The following WWOX variants were observed in gnomAD, a reference collection of about 807,000 sequenced individuals.
The protein encoded by WWOX is WW domain-containing oxidoreductase.
WWOX carries 69 observed loss-of-function variants against 46.2 expected under a neutral mutation model. That is an observed-to-expected ratio of 1.49 (90% confidence interval 1.23 to 1.82). The LOEUF is 1.82. Among genes scored for constraint, WWOX ranks in the 40% most tolerant of loss-of-function variants. The pLI, the probability that WWOX is intolerant of heterozygous loss-of-function variation, is 0.00. For synonymous variants in WWOX, 359 were observed against 202.6 expected (o/e 1.77, Z -6.56); for missense variants, 919 against 542.6 (o/e 1.69, Z -6.89).
At chr16:78,480,528 G>C (rs991025796) in intron 8 of WWOX, among the ~76,000 whole-genome samples, 1 of 152,242 alleles carries the variant, frequency 6.6e-6, no homozygotes, top group Non-Finnish European at 1.5e-5. Flanking sequence ...TGAGGAAAGA[G>C]ATGTGCTAAG....
rs1453363680 is a variant in WWOX at position 78,702,665 on chromosome 16, A to AT, written c.1056+269913_1056+269914insT. ...GCAAGACTCTGTCTCAAAAAAAAGA[A>AT]CAAAAAAAAAAAAAGAAATGATGTA... On this transcript the variant is annotated intron_variant, in intron 8 of 8. Transcript: ENST00000566780. 4.4e-5 allele frequency among the ~76,000 whole-genome samples: 5 copies of AT among 114,260 alleles called. No individual in the cohort carries two copies. In the South Asian group the frequency reaches 8.7e-4, roughly 20 times the overall value. The allele number at this position is 114,260 out of a possible 152,430, so 75.0% of individuals were successfully genotyped here. A position where few individuals can be genotyped will look rare whatever the true frequency, so the allele number is the denominator to read the frequency against.
In WWOX at chr16:78,183,489, C is replaced by T. The variant is rs184253815; in HGVS notation, c.516+19200C>T. On this transcript the variant is annotated intron_variant, in intron 5 of 8. Coordinates refer to ENST00000566780, the MANE Select transcript of WWOX (RefSeq NM_016373.4). ...GTGGAGGTTGGAATCCTGGCTGCGC[C>T]GTTCTGTAGCAGTGTTGTGGATCTC... 1.7e-3 allele frequency among the ~76,000 whole-genome samples: 252 copies of T among 152,276 alleles called. 1 individual carries two copies. Among genetic ancestry groups the T allele is most frequent in the Non-Finnish European group, 2.8e-3 (192 of 68,036 alleles).
chr16:79,202,226 A>C (rs1428309129), intron 8 of WWOX, among the ~76,000 whole-genome samples: 1 of 152,122 alleles, frequency 6.6e-6, no homozygotes, highest in Admixed American at 6.6e-5. Context: ...TAGTTTACTG[A>C]CCTATTATAT....
intron 8 of WWOX, among the ~76,000 whole-genome samples, chr16:79,044,273 G>C (rs2048026311): frequency 6.6e-6 from 1 of 152,314 alleles, no homozygotes; most frequent in East Asian, 1.9e-4. Flanking sequence ...TGAAGTTCCA[G>C]CTGGCGGTCT....
chr16:78,740,542 G>T lies in WWOX; in HGVS notation c.1056+307790G>T, dbSNP rs138654982. 5.3e-4 allele frequency among the ~76,000 whole-genome samples: 81 copies of T among 152,288 alleles called. 1 individual carries two copies. The highest frequency in any genetic ancestry group is 1.9e-3 in the African/African-American group (79 of 41,568). ...TAGGAGCTAGAATTCAGAGTTCCAC[G>T]TGTAGAGGGGGATTCCACAGTGTGT... On this transcript the variant is annotated intron_variant, in intron 8 of 8. Coordinates refer to ENST00000566780, the MANE Select transcript of WWOX (RefSeq NM_016373.4).
intron 8 of WWOX, chr16:79,016,042 C>G (rs1390941143): frequency 6.6e-6 from 1 of 152,224 alleles, no homozygotes; most frequent in Non-Finnish European, 1.5e-5. Context: ...AGTCACCACG[C>G]CTGGCCTGAT....
chr16:78,299,186 C>A (rs1232701359), intron 5 of WWOX, among the ~76,000 whole-genome samples: 4 of 152,164 alleles, frequency 2.6e-5, no homozygotes, highest in Non-Finnish European at 5.9e-5. Flanking sequence ...CTAGAGGATT[C>A]CGAAAGCTAG....
intron 8 of WWOX, among the ~76,000 whole-genome samples, chr16:78,860,813 A>G (rs1567609659): frequency 6.6e-6 from 1 of 152,090 alleles, no homozygotes; most frequent in Non-Finnish European, 1.5e-5. Flanking sequence ...CTCAGGCTAT[A>G]GGGAGGATTT....
Position 78,419,625 on chromosome 16 carries a change from CAAAAAAAAAAAA to C in WWOX, c.606-5231_606-5220del, listed in dbSNP as rs60762734. Among the ~76,000 whole-genome samples, 7 of 44,684 alleles carry C rather than the reference CAAAAAAAAAAAA, an allele frequency of 1.6e-4. No individual in the cohort carries two copies. The Admixed American group carries it at 1.6e-3, about 10-fold the overall frequency. The allele number at this position is 44,684 out of a possible 152,430, so 29.3% of individuals were successfully genotyped here. A position where few individuals can be genotyped will look rare whatever the true frequency, so the allele number is the denominator to read the frequency against. On this transcript the variant is annotated intron_variant, in intron 6 of 8. Coordinates refer to ENST00000566780, the MANE Select transcript of WWOX (RefSeq NM_016373.4). ...GCATAAACTACACAGCAAAAAATAG[CAAAAAAAAAAAA>C]AAAAAAAAAAAAAGGGTCAGAGACT...
At chr16:79,043,434 C>G (rs149708862) in intron 8 of WWOX, among the ~76,000 whole-genome samples, 1,658 of 152,272 alleles carry the variant, frequency 0.011, 27 homozygotes, top group African/African-American at 0.038. Flanking sequence ...AGAGACAGAA[C>G]TGAACTCAAC....
At chr16:78,493,208 A>G (rs544266866) in intron 8 of WWOX, among the ~76,000 whole-genome samples, 1 of 152,142 alleles carries the variant, frequency 6.6e-6, no homozygotes, top group Non-Finnish European at 1.5e-5. Flanking sequence ...TCCTGCTTCC[A>G]TTGTCTTCCT....
intron 8 of WWOX, among the ~76,000 whole-genome samples, chr16:78,541,092 A>G (rs557491260): frequency 6.6e-6 from 1 of 152,316 alleles, no homozygotes; most frequent in African/African-American, 2.4e-5. Flanking sequence ...CGGAGAACCT[A>G]ATATATTTTG....
intron 8 of WWOX, among the ~76,000 whole-genome samples, chr16:78,594,666 C>T (rs1414577221): frequency 2.0e-5 from 3 of 151,986 alleles, no homozygotes; most frequent in East Asian, 1.9e-4. Context: ...CTCAGGGCAG[C>T]GTGGGACCTC....
At chr16:78,364,539 T>C (rs1256410005) in intron 5 of WWOX, among the ~76,000 whole-genome samples, 1 of 147,990 alleles carries the variant, frequency 6.8e-6, no homozygotes, top group Non-Finnish European at 1.5e-5. Context: ...AAATAAATCT[T>C]TGGGACTCCG....
intron 8 of WWOX, among the ~76,000 whole-genome samples, chr16:78,638,088 T>A (rs1009117542): frequency 2.0e-5 from 3 of 152,226 alleles, no homozygotes; most frequent in African/African-American, 7.2e-5. Context: ...CAATCCAAGC[T>A]AAGCTCTTCT....
At chr16:78,297,322 C>A (rs996202202) in intron 5 of WWOX, among the ~76,000 whole-genome samples, 2 of 152,054 alleles carry the variant, frequency 1.3e-5, no homozygotes, top group Non-Finnish European at 2.9e-5. Flanking sequence ...GTTCCATGGC[C>A]CCATATTTCT....
At chr16:78,334,808 G>GCGCACA (rs1555521509) in intron 5 of WWOX, among the ~76,000 whole-genome samples, 48 of 78,826 alleles carry the variant, frequency 6.1e-4, no homozygotes, top group Non-Finnish European at 9.0e-4. Flanking sequence ...ACACACACAC[G>GCGCACA]CACACACACA....
chr16:78,313,258 T>C (rs1280967792), intron 5 of WWOX, among the ~76,000 whole-genome samples: 1 of 152,208 alleles, frequency 6.6e-6, no homozygotes, highest in African/African-American at 2.4e-5. Flanking sequence ...TCCTTATCTA[T>C]AAAATATGGC....
chr16:78,452,605 A>G (rs1356544214), intron 8 of WWOX, among the ~76,000 whole-genome samples: 1 of 150,668 alleles, frequency 6.6e-6, no homozygotes, highest in African/African-American at 2.4e-5. Flanking sequence ...CCTCCCGAGT[A>G]GCTGGGACTG....
Sources: gnomAD v4.1 joint callset for allele counts (sites outside exome capture counted in the v4.1 genomes callset) on GRCh38, gnomAD v4.1.1 for gene constraint, MANE v1.5 for transcripts, NCBI Gene and HGNC (gene_info 2026-07-23, HGNC 2026-07-21) for gene names.